ATP8A1: variants seen among roughly 807,000 people sequenced by gnomAD.
The protein encoded by ATP8A1 is ATPase phospholipid transporting 8A1, also known as phospholipid-transporting ATPase IA.
In ATP8A1, 90 loss-of-function variants were observed where a neutral mutation model predicts 177.7. The ratio of observed to expected loss-of-function variants is 0.51; its 90% CI spans 0.43 to 0.60. The LOEUF is 0.60. Among genes scored for constraint, ATP8A1 ranks in the 20% least tolerant of loss-of-function variants. ATP8A1 has a pLI of 0.00. For synonymous variants in ATP8A1, 493 were observed against 485.9 expected (o/e 1.01, Z -0.19); for missense variants, 1,072 against 1,392.8 (o/e 0.77, Z 3.67).
intron 19 of ATP8A1, among the ~76,000 whole-genome samples, chr4:42,546,451 G>C (rs1373777392): frequency 1.6e-5 from 2 of 128,250 alleles, no homozygotes; most frequent in Non-Finnish European, 3.3e-5. Flanking sequence ...GGAGGGGGGA[G>C]GGATAGCATT....
chr4:42,530,022 A>G (rs532112956), intron 20 of ATP8A1, among the ~76,000 whole-genome samples: 1 of 152,248 alleles, frequency 6.6e-6, no homozygotes, highest in African/African-American at 2.4e-5. Context: ...TTTGTATCCC[A>G]TGTGAGTGCT....
At chr4:42,612,720 G>A (rs1236777521) in intron 5 of ATP8A1, among the ~76,000 whole-genome samples, 2 of 151,860 alleles carry the variant, frequency 1.3e-5, no homozygotes, top group Admixed American at 6.6e-5. Context: ...TCCATAATTC[G>A]ATCCCTGATT....
intron 25 of ATP8A1, among the ~76,000 whole-genome samples, chr4:42,482,844 T>C (rs1381118954): frequency 6.6e-6 from 1 of 152,140 alleles, no homozygotes; most frequent in Non-Finnish European, 1.5e-5. Context: ...ATTATCTGCA[T>C]GTGTGTGGAA....
At chr4:42,628,072 G>A (rs1180887364) in intron 1 of ATP8A1, among the ~76,000 whole-genome samples, 1 of 152,122 alleles carries the variant, frequency 6.6e-6, no homozygotes, top group Non-Finnish European at 1.5e-5. Context: ...GAACTCCCTA[G>A]GGCCATAGAG....
At chr4:42,594,486 T>C in intron 6 of ATP8A1, 1 of 609,856 alleles carries the variant, frequency 1.6e-6, no homozygotes, top group Non-Finnish European at 2.9e-6. Flanking sequence ...ACCACTTATC[T>C]TCACAAAATG....
chr4:42,492,463 C>T (rs367618084), intron 24 of ATP8A1, among the ~76,000 whole-genome samples: 2 of 152,208 alleles, frequency 1.3e-5, no homozygotes, highest in Admixed American at 6.5e-5. Flanking sequence ...GTGATTAGGT[C>T]GTGAGGGTGG....
At chr4:42,471,066 C>CAA (rs1288794713) in intron 25 of ATP8A1, among the ~76,000 whole-genome samples, 1 of 150,464 alleles carries the variant, frequency 6.6e-6, no homozygotes, top group African/African-American at 2.4e-5. Context: ...TAAGATACAG[C>CAA]AAAAAAAAAC....
chr4:42,474,855 T>G (rs986398134), intron 25 of ATP8A1, among the ~76,000 whole-genome samples: 4 of 151,852 alleles, frequency 2.6e-5, no homozygotes, highest in African/African-American at 9.7e-5. Flanking sequence ...GTACAAAAGT[T>G]TCAAACCAGC....
At chr4:42,517,144 A>G (rs1444321517) in intron 22 of ATP8A1, among the ~76,000 whole-genome samples, 1 of 152,082 alleles carries the variant, frequency 6.6e-6, no homozygotes, top group Non-Finnish European at 1.5e-5. Context: ...TACTAAAAAT[A>G]CAAAAATTTG....
At chr4:42,566,615 G>C (rs1423388491) in intron 15 of ATP8A1, among the ~76,000 whole-genome samples, 1 of 152,132 alleles carries the variant, frequency 6.6e-6, no homozygotes, top group South Asian at 2.1e-4. Flanking sequence ...GAAATTTACT[G>C]AAAGAAATTC....
chr4:42,435,141 G>A (rs1304650572), intron 33 of ATP8A1, among the ~76,000 whole-genome samples: 1 of 152,108 alleles, frequency 6.6e-6, no homozygotes, highest in Non-Finnish European at 1.5e-5. Context: ...ATTATGTCCA[G>A]TTGGCTGGGC....
rs1712521280 is a variant in ATP8A1 at position 42,410,899 on chromosome 4, A to ATAGAG, written c.*2016_*2017insCTCTA. 1 of 152,212 alleles carries ATAGAG rather than the reference A, an allele frequency of 6.6e-6. No individual in the cohort carries two copies. Among genetic ancestry groups the ATAGAG allele is most frequent in the Non-Finnish European group, 1.5e-5 (1 of 68,038 alleles). The allele number at this position is 152,212 out of a possible 1,614,324, so 9.4% of individuals were successfully genotyped here. On this transcript the variant is annotated 3_prime_UTR_variant, in exon 37 of 37. Transcript: ENST00000381668. ...CAGCTCTTCTCTATTAACAGAATTA[A>ATAGAG]ACACTACAAAGTGTTTCTCTGGAGG...
At chr4:42,429,102 C>A (rs1714962799) in intron 33 of ATP8A1, among the ~76,000 whole-genome samples, 1 of 152,042 alleles carries the variant, frequency 6.6e-6, no homozygotes, top group African/African-American at 2.4e-5. Context: ...GCCTGGGGAC[C>A]CTGTTCTTGA....
intron 20 of ATP8A1, among the ~76,000 whole-genome samples, chr4:42,540,363 T>C (rs909945591): frequency 2.6e-5 from 4 of 151,742 alleles, no homozygotes; most frequent in South Asian, 2.1e-4. Flanking sequence ...CTATGGAAAA[T>C]AGTATAGAGA....
At position 42,543,952 on chromosome 4, in the gene ATP8A1, G is replaced by C. The variant is rs765729012; in HGVS notation, c.1687C>G (p.Pro563Ala). The C allele has an allele frequency of 3.7e-6, 6 of 1,613,134 alleles. No homozygotes were observed. In the South Asian group the frequency reaches 5.5e-5, roughly 15 times the overall value. Residue 563 changes from proline to alanine, a missense_variant, in exon 20 of 37, where the codon CCA (proline) becomes GCA (alanine). This residue lies in a region of ATP8A1 where 388 missense variants were observed against 471.7 expected (regional missense o/e 0.82). Transcript: ENST00000381668. ...CAGTAGAGTCGTAACTTTCCAGATGGAGTGCGAACAATCACTGACATTCTT... is the reference window on the plus strand; with the variant it reads ...CAGTAGAGTCGTAACTTTCCAGATGCAGTGCGAACAATCACTGACATTCTT... ...RKRMSVIVRT[P>A]SGKLRLYCKG... is the part of the protein sequence containing the mutation.
At chr4:42,480,791 T>A (rs1390620195) in intron 25 of ATP8A1, among the ~76,000 whole-genome samples, 1 of 152,188 alleles carries the variant, frequency 6.6e-6, no homozygotes, top group Non-Finnish European at 1.5e-5. Flanking sequence ...AGTGTTTTTT[T>A]ATACACTATG....
chr4:42,423,015 A>G (rs1577901410), intron 34 of ATP8A1, 116 bp from the exon 35 acceptor site: 1 of 608,540 alleles, frequency 1.6e-6, no homozygotes, highest in East Asian at 2.8e-5. Flanking sequence ...ACAAGAGTAC[A>G]AGCAGTTTTT....
At position 42,627,097 on chromosome 4, in the gene ATP8A1, G is replaced by C; in HGVS notation, c.62C>G (p.Thr21Arg). ...IRSRAEGYEK[T>R]DDVSEKTSLA... Reference sequence around the variant, plus strand: ...TGAGGTCTTCTCTGAAACATCATCTGTCTTCTCATAACCTTAAAAAGAGAT... The same window carrying C: ...TGAGGTCTTCTCTGAAACATCATCTCTCTTCTCATAACCTTAAAAAGAGAT... The change falls in exon 2 of 37, where the codon ACA becomes AGA. Residue 21 changes from threonine (T) to arginine (R), a missense_variant. By Grantham distance (71) the Thr-to-Arg change is moderately conservative. This residue lies in a region of ATP8A1 where 344 missense variants were observed against 393.5 expected (regional missense o/e 0.87). Coordinates refer to ENST00000381668, the MANE Select transcript of ATP8A1 (RefSeq NM_006095.2). 6.2e-7 allele frequency: 1 copy of C among 1,612,856 alleles called. No individual in the cohort carries two copies. Among genetic ancestry groups the C allele is most frequent in the Non-Finnish European group, 8.5e-7 (1 of 1,178,944 alleles).
intron 35 of ATP8A1, among the ~76,000 whole-genome samples, chr4:42,422,268 T>C (rs1176841804): frequency 6.6e-6 from 1 of 152,068 alleles, no homozygotes. Context: ...GTTTTTGTAT[T>C]CTTAGTAGAG....
Sources: gnomAD v4.1 joint callset for allele counts (sites outside exome capture counted in the v4.1 genomes callset) on GRCh38, gnomAD v4.1.1 for gene constraint, gnomAD v4.1.1 regional missense constraint, MANE v1.5 for transcripts, NCBI Gene and HGNC (gene_info 2026-07-23, HGNC 2026-07-21) for gene names.